TYR: variants seen among roughly 807,000 people sequenced by gnomAD.
TYR encodes LB24-AB.
Under a neutral mutation model 51.5 loss-of-function variants are expected in TYR, and 58 were observed. That is an observed-to-expected ratio of 1.13 (90% CI 0.91 to 1.40). The LOEUF (loss-of-function observed/expected upper bound fraction) is 1.40. Ranked by LOEUF, TYR falls within the 40% of genes most tolerant of loss-of-function variation. TYR has a pLI of 0.00. For missense variants in TYR, 732 were observed against 647.4 expected (o/e 1.13, Z -1.42); for synonymous variants, 263 against 235.2 (o/e 1.12, Z -1.08).
intron 3 of TYR, among the ~76,000 whole-genome samples, chr11:89,232,533 T>C (rs868571050): frequency 2.8e-5 from 4 of 141,734 alleles, no homozygotes; most frequent in East Asian, 2.0e-4. Context: ...GCCATAGATA[T>C]TGGGAACTAC....
chr11:89,248,783 C>T (rs1044694043), intron 3 of TYR, among the ~76,000 whole-genome samples: 1 of 152,068 alleles, frequency 6.6e-6, no homozygotes, highest in African/African-American at 2.4e-5. Context: ...TACTCTATTG[C>T]ATTGGTCTAA....
At chr11:89,189,311 T>TGCCATGAC (rs1308333824) in intron 1 of TYR, among the ~76,000 whole-genome samples, 13 of 152,162 alleles carry the variant, frequency 8.5e-5, no homozygotes, top group Middle Eastern at 6.8e-3. Context: ...TCTTAAAAAG[T>TGCCATGAC]TTTGCTTATA....
chr11:89,217,148 G>A (rs1943841943), intron 2 of TYR, among the ~76,000 whole-genome samples: 1 of 152,108 alleles, frequency 6.6e-6, no homozygotes, highest in Non-Finnish European at 1.5e-5. Context: ...AACAACATTA[G>A]TTCTGTAGTG....
intron 3 of TYR, among the ~76,000 whole-genome samples, chr11:89,243,538 T>C (rs965204515): frequency 2.0e-5 from 3 of 152,196 alleles, no homozygotes; most frequent in South Asian, 4.1e-4. Context: ...TTATGAATTA[T>C]ATTATAATTG....
intron 2 of TYR, among the ~76,000 whole-genome samples, chr11:89,223,534 G>T (rs1477181230): frequency 6.6e-6 from 1 of 152,078 alleles, no homozygotes; most frequent in Admixed American, 6.6e-5. Flanking sequence ...CCAGAGTAGA[G>T]CTCTCTAAAA....
chr11:89,221,042 T>A (rs1365046928), intron 2 of TYR, among the ~76,000 whole-genome samples: 13 of 152,340 alleles, frequency 8.5e-5, no homozygotes, highest in African/African-American at 2.6e-4. Flanking sequence ...TCATTGTGAT[T>A]TGTCATTGTC....
At chr11:89,183,644 G>A (rs1943330419) in intron 1 of TYR, among the ~76,000 whole-genome samples, 1 of 152,028 alleles carries the variant, frequency 6.6e-6, no homozygotes, top group African/African-American at 2.4e-5. Flanking sequence ...AATAATATAG[G>A]TTAAAGCATT....
chr11:89,231,212 T>C (rs1565406327), intron 3 of TYR, among the ~76,000 whole-genome samples: 2 of 150,318 alleles, frequency 1.3e-5, no homozygotes, highest in Non-Finnish European at 3.0e-5. Flanking sequence ...GTTGTACTGT[T>C]CATGGGAATG....
intron 3 of TYR, among the ~76,000 whole-genome samples, chr11:89,266,313 C>T (rs555943881): frequency 8.6e-5 from 13 of 151,972 alleles, no homozygotes; most frequent in African/African-American, 2.7e-4. Context: ...AGAATATTTG[C>T]TGTTCTTTGG....
intron 3 of TYR, among the ~76,000 whole-genome samples, chr11:89,281,844 T>C (rs1565422679): frequency 6.6e-6 from 1 of 151,824 alleles, no homozygotes; most frequent in South Asian, 2.1e-4. Context: ...ATTTTTCTAA[T>C]TTTTCTGTTG....
chr11:89,179,599 C>T (rs1175844017), intron 1 of TYR, among the ~76,000 whole-genome samples: 1 of 152,136 alleles, frequency 6.6e-6, no homozygotes, highest in African/African-American at 2.4e-5. Context: ...TGTATGACCA[C>T]TGTATCCTAT....
intron 3 of TYR, among the ~76,000 whole-genome samples, chr11:89,274,316 T>A (rs1944625239): frequency 6.6e-6 from 1 of 151,930 alleles, no homozygotes; most frequent in Admixed American, 6.6e-5. Context: ...ATAGCAAAAA[T>A]TTGCCTATGT....
At chr11:89,267,296 C>A (rs1384600094) in intron 3 of TYR, among the ~76,000 whole-genome samples, 3 of 151,926 alleles carry the variant, frequency 2.0e-5, no homozygotes, top group Non-Finnish European at 4.4e-5. Flanking sequence ...ATGACTCTTA[C>A]TTTATAGCAC....
rs191507356 is a variant in TYR, at chr11:89,285,405, C to G, written c.1366+451C>G. ...GGTAAACATCCAGCAGTTTTGGAAT[C>G]ATTTTTGGAAGTTTCTTGCTAGGGT... On this transcript the variant is annotated intron_variant, in intron 4 of 4. Coordinates refer to ENST00000263321, the MANE Select transcript of TYR (RefSeq NM_000372.5). 1.1e-3 allele frequency among the ~76,000 whole-genome samples: 161 copies of G among 151,760 alleles called. 1 individual carries two copies. The highest frequency in any genetic ancestry group is 3.7e-3 in the African/African-American group (154 of 41,448).
chr11:89,230,066 A>C (rs1202426728), intron 3 of TYR, among the ~76,000 whole-genome samples: 1 of 152,130 alleles, frequency 6.6e-6, no homozygotes, highest in Non-Finnish European at 1.5e-5. Flanking sequence ...GAACTACAAA[A>C]GAACCTGAAT....
At chr11:89,236,393 T>C (rs1192616438) in intron 3 of TYR, among the ~76,000 whole-genome samples, 1 of 152,216 alleles carries the variant, frequency 6.6e-6, no homozygotes, top group Non-Finnish European at 1.5e-5. Context: ...GAAAAGCCAC[T>C]CTGCAACCTT....
intron 3 of TYR, 88 bp from the exon 4 acceptor site, chr11:89,284,685 A>G (rs1207632842): frequency 5.9e-6 from 7 of 1,176,810 alleles, no homozygotes; most frequent in Non-Finnish European, 8.7e-6. Flanking sequence ...CCAGATTTTA[A>G]TATATGCCTT....
intron 2 of TYR, among the ~76,000 whole-genome samples, chr11:89,203,085 A>G (rs1012958187): frequency 1.3e-5 from 2 of 152,218 alleles, no homozygotes; most frequent in African/African-American, 4.8e-5. Flanking sequence ...GCATTTCCAC[A>G]TTACAAGTGA....
At chr11:89,191,135 A>C (rs1489174171) in intron 1 of TYR, 67 bp from the exon 2 acceptor site, 1 of 1,439,736 alleles carries the variant, frequency 6.9e-7, no homozygotes, top group African/African-American at 1.4e-5. Context: ...GAGTTCCAAC[A>C]TTTCTGCCTT....
Sources: allele counts gnomAD v4.1 joint callset (sites outside exome capture counted in the v4.1 genomes callset), GRCh38; gene constraint gnomAD v4.1.1; transcripts MANE v1.5; gene names NCBI Gene and HGNC (gene_info 2026-07-23, HGNC 2026-07-21).